Variants in CNTN1 observed in about 807,000 individuals in gnomAD.
The protein encoded by CNTN1 is contactin-1.
CNTN1 carries 38 observed loss-of-function variants against 126.4 expected under a neutral mutation model. That is an observed-to-expected ratio of 0.30 (90% CI 0.23 to 0.39). The LOEUF is 0.39. CNTN1 is among the 10% of genes least tolerant of loss of function. The pLI, the probability that CNTN1 is intolerant of heterozygous loss-of-function variation, is 1.00. For missense variants in CNTN1, 1,009 were observed against 1,248.4 expected, an observed-to-expected ratio of 0.81 and a Z score of 2.89; for synonymous variants, 413 against 422.6, an observed-to-expected ratio of 0.98 and a Z score of 0.28.
chr12:40,987,391 C>G (rs1008024417), intron 16 of CNTN1, among the ~76,000 whole-genome samples: 1 of 152,176 alleles, frequency 6.6e-6, no homozygotes, highest in East Asian at 1.9e-4. Flanking sequence ...AGCAGATGGA[C>G]AGCAGACAGC....
At chr12:40,796,764 A>G (rs1940447741) in intron 1 of CNTN1, among the ~76,000 whole-genome samples, 1 of 152,088 alleles carries the variant, frequency 6.6e-6, no homozygotes, top group Non-Finnish European at 1.5e-5. Flanking sequence ...TTAAGTGAAA[A>G]TGAGTTCGGA....
rs564934871 is a variant in CNTN1, at chr12:40,970,454, A to G, written c.1805-10455A>G. ...TACCGTAAGGACTGAATTTACAACA[A>G]GCAGTCAGCATAGGCAAGTTTTCCT... On this transcript the variant is annotated intron_variant, in intron 15 of 23. Coordinates refer to ENST00000551295, the MANE Select transcript of CNTN1 (RefSeq NM_001843.4). Among the ~76,000 whole-genome samples the G allele has an allele frequency of 7.9e-5, 12 of 152,238 alleles. No homozygotes were observed. The East Asian group carries it at 2.1e-3, about 27-fold the overall frequency.
At chr12:41,007,281 T>C (rs1032607795) in intron 17 of CNTN1, among the ~76,000 whole-genome samples, 5 of 151,828 alleles carry the variant, frequency 3.3e-5, no homozygotes, top group Admixed American at 1.3e-4. Context: ...GGGATGGTCT[T>C]GATCTCCTGA....
chr12:40,983,828 A>ATATATGCTATTATAGCATATTTTAT (rs1214139374), intron 16 of CNTN1, among the ~76,000 whole-genome samples: 8 of 145,524 alleles, frequency 5.5e-5, no homozygotes, highest in Admixed American at 4.2e-4. Flanking sequence ...ATATTTTGTT[A>ATATATGCTATTATAGCATATTTTAT]TATATGCTAT....
At chr12:40,858,311 C>G (rs1396649669) in intron 1 of CNTN1, among the ~76,000 whole-genome samples, 1 of 152,094 alleles carries the variant, frequency 6.6e-6, no homozygotes, top group Non-Finnish European at 1.5e-5. Flanking sequence ...TAAGACCAGC[C>G]CATTCAGAAT....
chr12:41,034,800 C>T (rs376128856), intron 23 of CNTN1, among the ~76,000 whole-genome samples: 130 of 152,294 alleles, frequency 8.5e-4, no homozygotes, highest in African/African-American at 3.1e-3. Context: ...GTACTTAGCA[C>T]TCCCAGTTTT....
intron 1 of CNTN1, among the ~76,000 whole-genome samples, chr12:40,747,429 T>C (rs189518472): frequency 6.6e-6 from 1 of 151,660 alleles, no homozygotes; most frequent in Non-Finnish European, 1.5e-5. Flanking sequence ...AAAAAGATGA[T>C]AAAATACAAC....
chr12:41,023,334 C>T (rs1948967785), intron 20 of CNTN1, among the ~76,000 whole-genome samples: 1 of 152,184 alleles, frequency 6.6e-6, no homozygotes, highest in South Asian at 2.1e-4. Context: ...ACAATCTCTT[C>T]CCTTGTGGTT....
At chr12:40,740,285 A>C (rs1248915971) in intron 1 of CNTN1, among the ~76,000 whole-genome samples, 2 of 152,078 alleles carry the variant, frequency 1.3e-5, no homozygotes. Context: ...TGCAAAATGC[A>C]GATTTACCCC....
At position 41,025,173 on chromosome 12, in the gene CNTN1, CAAA is replaced by C. The variant is rs1566167749; in HGVS notation, c.2548_2550del (p.Lys850del). On this transcript the variant is annotated inframe_deletion, in exon 21 of 24. Coordinates refer to ENST00000551295, the MANE Select transcript of CNTN1 (RefSeq NM_001843.4). ...AGATTCGGTATTGGGCTGCCCATGA[CAAA>C]GAAGAAGCTGCAAACAGAGTTCAAG... 1 of 1,613,864 alleles carries C rather than the reference CAAA, an allele frequency of 6.2e-7. No homozygotes were observed. The highest frequency in any genetic ancestry group is 1.7e-5 in the Admixed American group (1 of 59,996).
intron 16 of CNTN1, 137 bp downstream of exon 16, chr12:40,981,204 C>A: frequency 5.1e-6 from 4 of 783,750 alleles, no homozygotes; most frequent in Non-Finnish European, 6.1e-6. Flanking sequence ...AAAATGTATT[C>A]TAATATTTTG....
intron 1 of CNTN1, among the ~76,000 whole-genome samples, chr12:40,826,363 AT>A (rs544164128): frequency 1.1e-3 from 165 of 152,354 alleles, no homozygotes; most frequent in Non-Finnish European, 1.3e-3. Flanking sequence ...AGAGAGAAAT[AT>A]TATAAAACAA....
intron 23 of CNTN1, among the ~76,000 whole-genome samples, chr12:41,057,473 T>C (rs1050782568): frequency 2.0e-5 from 3 of 151,828 alleles, no homozygotes; most frequent in African/African-American, 7.2e-5. Flanking sequence ...CTCGGTGAAA[T>C]ATTTTTGATA....
intron 18 of CNTN1, among the ~76,000 whole-genome samples, chr12:41,016,419 T>C (rs1948782188): frequency 6.6e-6 from 1 of 151,954 alleles, no homozygotes; most frequent in Non-Finnish European, 1.5e-5. Flanking sequence ...AGGAGAACAT[T>C]CTAGGCAGAA....
intron 20 of CNTN1, among the ~76,000 whole-genome samples, chr12:41,023,942 T>C (rs572540501): frequency 1.3e-5 from 2 of 152,206 alleles, no homozygotes; most frequent in African/African-American, 4.8e-5. Context: ...AGAGGGGAGC[T>C]CAGATACAAA....
intron 1 of CNTN1, among the ~76,000 whole-genome samples, chr12:40,709,388 G>T (rs897781007): frequency 7.9e-5 from 12 of 152,172 alleles, no homozygotes; most frequent in African/African-American, 2.4e-4. Context: ...ACAGAGCACA[G>T]GCAGAGTAGA....
At chr12:40,693,484 A>G (rs563666781) in intron 1 of CNTN1, among the ~76,000 whole-genome samples, 1 of 152,348 alleles carries the variant, frequency 6.6e-6, no homozygotes, top group East Asian at 1.9e-4. Flanking sequence ...TGGGAGCAGT[A>G]GGCAGAAGAA....
At chr12:41,063,104 A>C (rs1466733568) in intron 23 of CNTN1, among the ~76,000 whole-genome samples, 1 of 152,250 alleles carries the variant, frequency 6.6e-6, no homozygotes, top group Non-Finnish European at 1.5e-5. Context: ...AAATGCTGAA[A>C]AATTCGAACG....
intron 1 of CNTN1, among the ~76,000 whole-genome samples, chr12:40,709,562 T>C (rs1306324003): frequency 1.3e-5 from 2 of 152,246 alleles, no homozygotes; most frequent in African/African-American, 2.4e-5. Context: ...AAGTCCTAGA[T>C]GGCATCTTTT....
Sources: gnomAD v4.1 joint callset for allele counts (sites outside exome capture counted in the v4.1 genomes callset) on GRCh38, gnomAD v4.1.1 for gene constraint, MANE v1.5 for transcripts, NCBI Gene and HGNC (gene_info 2026-07-23, HGNC 2026-07-21) for gene names.